CMPK2: variants seen among roughly 807,000 people sequenced by gnomAD.
The protein encoded by CMPK2 is cytidine/uridine monophosphate kinase 2.
A neutral mutation model predicts 33.4 loss-of-function variants in CMPK2; 32 were observed. That is an observed-to-expected ratio of 0.96 (90% CI 0.72 to 1.29). CMPK2 has a LOEUF of 1.29. Among genes scored for constraint, CMPK2 ranks in the 50% most tolerant of loss-of-function variants. The pLI is 0.00. For missense variants in CMPK2, 672 were observed against 616.0 expected (o/e 1.09, Z -0.96); for synonymous variants, 299 against 275.3 (o/e 1.09, Z -0.85).
intron 3 of CMPK2, among the ~76,000 whole-genome samples, chr2:6,858,591 T>C (rs529495909): frequency 2.0e-5 from 3 of 152,150 alleles, no homozygotes; most frequent in African/African-American, 7.2e-5. Context: ...AGTGACTAAG[T>C]CTCACAAGAT....
At chr2:6,858,086 A>G (rs1662770207) in intron 3 of CMPK2, among the ~76,000 whole-genome samples, 1 of 152,062 alleles carries the variant, frequency 6.6e-6, no homozygotes, top group South Asian at 2.1e-4. Flanking sequence ...CACATTTACT[A>G]TGTTCTCAGA....
intron 2 of CMPK2, among the ~76,000 whole-genome samples, chr2:6,862,827 A>G (rs1370718267): frequency 6.6e-6 from 1 of 152,194 alleles, no homozygotes; most frequent in Non-Finnish European, 1.5e-5. Flanking sequence ...ACAGGAGGAG[A>G]AACTCCTACG....
At chr2:6,865,949 C>G (rs868805759), upstream of CMPK2, 29 of 1,296,352 alleles carry the variant, frequency 2.2e-5, no homozygotes, top group Middle Eastern at 6.7e-4. Flanking sequence ...CGCTTGGCCC[C>G]GGGGCCCCAG....
intron 3 of CMPK2, among the ~76,000 whole-genome samples, chr2:6,859,907 C>T (rs1662823762): frequency 6.6e-6 from 1 of 152,186 alleles, no homozygotes; most frequent in African/African-American, 2.4e-5. Flanking sequence ...AAGCTGCAGA[C>T]AACACCAGCC....
intron 2 of CMPK2, among the ~76,000 whole-genome samples, chr2:6,862,496 G>A (rs1375583429): frequency 6.6e-6 from 1 of 152,208 alleles, no homozygotes; most frequent in Non-Finnish European, 1.5e-5. Context: ...GAATTTTTAT[G>A]TCTCCTGTAA....
At chr2:6,844,552 A>G (rs2103213590), downstream of CMPK2, among the ~76,000 whole-genome samples, 1 of 152,310 alleles carries the variant, frequency 6.6e-6, no homozygotes, top group South Asian at 2.1e-4. Context: ...CAGTATGCAC[A>G]TCCAAAAGTG....
In CMPK2 at chr2:6,851,698, G is replaced by A. The variant is rs1352207124; in HGVS notation, c.993-15C>T. ...TGTGCCAGTACCTGAGAAGGAATGG[G>A]GTAGTGAGTTCTCTGTCTGCAGAAG... On this transcript the variant is annotated splice_polypyrimidine_tract_variant and intron_variant, in intron 3 of 4. Coordinates refer to ENST00000256722, the MANE Select transcript of CMPK2 (RefSeq NM_207315.4). The A allele has an allele frequency of 6.2e-7, 1 of 1,609,960 alleles. No individual in the cohort carries two copies. The highest frequency in any genetic ancestry group is 8.5e-7 in the Non-Finnish European group (1 of 1,176,670).
At chr2:6,850,471 C>G (rs1280453776) in intron 4 of CMPK2, among the ~76,000 whole-genome samples, 1 of 152,186 alleles carries the variant, frequency 6.6e-6, no homozygotes, top group African/African-American at 2.4e-5. Flanking sequence ...TACAGAGTGA[C>G]TAGTGCCTGT....
At chr2:6,841,255 G>T (rs1662226165) in intron 3 of CMPK2, among the ~76,000 whole-genome samples, 2 of 152,240 alleles carry the variant, frequency 1.3e-5, no homozygotes, top group South Asian at 4.2e-4. Flanking sequence ...TACCCAGCTA[G>T]TGAAGGCATC....
At chr2:6,848,132 G>T (rs183692057), downstream of CMPK2, among the ~76,000 whole-genome samples, 212 of 152,312 alleles carry the variant, frequency 1.4e-3, no homozygotes, top group African/African-American at 5.0e-3. Flanking sequence ...GAAATGATAT[G>T]TAAAATAAAA....
intron 3 of CMPK2, 40 bp from the exon 4 acceptor site, chr2:6,851,723 G>T: frequency 6.3e-7 from 1 of 1,586,554 alleles, no homozygotes; most frequent in East Asian, 2.3e-5. Flanking sequence ...GTCTGCAGAA[G>T]AAGTCAAAGT....
At position 6,848,572 on chromosome 2, in the gene CMPK2, G is replaced by C. The variant is rs1010600538; in HGVS notation, c.*1278C>G. On this transcript the variant is annotated 3_prime_UTR_variant, in exon 5 of 5. Coordinates refer to ENST00000256722, the MANE Select transcript of CMPK2 (RefSeq NM_207315.4). ...CCTATAGCTCTTTTAAAAATCCTAT[G>C]ACATTAACATGAAACTTTATTAGAA... 120 of 952,320 alleles carry C rather than the reference G, an allele frequency of 1.3e-4. No homozygotes were observed. Among genetic ancestry groups the C allele is most frequent in the Non-Finnish European group, 1.4e-4 (111 of 800,020 alleles). 59.0% of individuals were successfully genotyped at this position (952,320 alleles called of 1,614,324 possible). A position where few individuals can be genotyped will look rare whatever the true frequency, so the allele number is the denominator to read the frequency against.
At chr2:6,855,995 GC>G (rs1192367525) in intron 3 of CMPK2, among the ~76,000 whole-genome samples, 1 of 152,216 alleles carries the variant, frequency 6.6e-6, no homozygotes, top group Non-Finnish European at 1.5e-5. Context: ...CAAAATTAAA[GC>G]CTGGTAATAC....
Position 6,865,571 on chromosome 2 carries a change from C to A in CMPK2, c.126G>T (p.Leu42=). Residue 42 remains leucine (L), a synonymous_variant, in exon 1 of 5, where the codon CTG becomes CTT. Transcript: ENST00000256722. ...RFVLELPDCT[L]AHFALGADAP... ...CGTCGGCGCCTAGGGCGAAGTGAGC[C>A]AGGGTGCAGTCGGGAAGCTCCAGGA... 1 of 1,368,088 alleles carries A rather than the reference C, an allele frequency of 7.3e-7. No homozygotes were observed. Among genetic ancestry groups the A allele is most frequent in the Non-Finnish European group, 9.4e-7 (1 of 1,060,570 alleles). The allele number at this position is 1,368,088 out of a possible 1,614,324, so 84.7% of individuals were successfully genotyped here. A position where few individuals can be genotyped will look rare whatever the true frequency, so the allele number is the denominator to read the frequency against.
chr2:6,849,330 C>A lies in CMPK2; in HGVS notation c.*520G>T. 1 of 986,076 alleles carries A rather than the reference C, an allele frequency of 1.0e-6. No individual in the cohort carries two copies. The allele number at this position is 986,076 out of a possible 1,614,324, so 61.1% of individuals were successfully genotyped here. ...TTGGGCAGCCAGGACACATAGACAG[C>A]CTCTGCAGGAACACTTGGCTCTAGA... On this transcript the variant is annotated 3_prime_UTR_variant, in exon 5 of 5. Coordinates refer to ENST00000256722, the MANE Select transcript of CMPK2 (RefSeq NM_207315.4).
downstream of CMPK2, among the ~76,000 whole-genome samples, chr2:6,845,506 C>T (rs533943171): frequency 4.3e-4 from 65 of 152,282 alleles, no homozygotes; most frequent in African/African-American, 1.4e-3. Context: ...ATCATAGGTG[C>T]CGCCCCATGG....
Position 6,849,674 on chromosome 2 carries a change from C to G in CMPK2, c.*176G>C. ...GAGAGGGACCTTTGTGATGACGGGTCCATCAGTCAGAAGAGGGTACGATGG... is the reference window on the plus strand; with the variant it reads ...GAGAGGGACCTTTGTGATGACGGGTGCATCAGTCAGAAGAGGGTACGATGG... On this transcript the variant is annotated 3_prime_UTR_variant, in exon 5 of 5. Transcript: ENST00000256722. 1.4e-6 allele frequency: 2 copies of G among 1,449,412 alleles called. No homozygotes were observed. Among genetic ancestry groups the G allele is most frequent in the Non-Finnish European group, 9.0e-7 (1 of 1,110,758 alleles). 89.8% of individuals were successfully genotyped at this position (1,449,412 alleles called of 1,614,324 possible). A position where few individuals can be genotyped will look rare whatever the true frequency, so the allele number is the denominator to read the frequency against.
rs1411278535 is a variant in CMPK2 at position 6,865,458 on chromosome 2, G to A, written c.239C>T (p.Thr80Ile). 7.8e-6 allele frequency: 10 copies of A among 1,278,020 alleles called. No homozygotes were observed. The African/African-American group carries it at 1.2e-4, about 16-fold the overall frequency. The allele number at this position is 1,278,020 out of a possible 1,614,324, so 79.2% of individuals were successfully genotyped here. A position where few individuals can be genotyped will look rare whatever the true frequency, so the allele number is the denominator to read the frequency against. ...CCGGGCCCCGCAGCCGGCGTCCGGG[G>A]TCACGGGCACGCACAGCGAGTAGCT... ...ERSYSLCVPV[T>I]PDAGCGARVR... Residue 80 changes from threonine to isoleucine, a missense_variant, in exon 1 of 5, where the codon ACC becomes ATC. Transcript: ENST00000256722.
chr2:6,848,881 C>T lies in CMPK2; in HGVS notation c.*969G>A. ...CAAGATAATTTACCAAGAAATCCCA[C>T]TCCAAGATCCACTGTACTTATTTAA... On this transcript the variant is annotated 3_prime_UTR_variant, in exon 5 of 5. Coordinates refer to ENST00000256722, the MANE Select transcript of CMPK2 (RefSeq NM_207315.4). 1.0e-6 allele frequency: 1 copy of T among 985,808 alleles called. No individual in the cohort carries two copies. The allele number at this position is 985,808 out of a possible 1,614,324, so 61.1% of individuals were successfully genotyped here.
Sources: gnomAD v4.1 joint callset for allele counts (sites outside exome capture counted in the v4.1 genomes callset) on GRCh38, gnomAD v4.1.1 for gene constraint, MANE v1.5 for transcripts, NCBI Gene and HGNC (gene_info 2026-07-23, HGNC 2026-07-21) for gene names.